The following EBF1 variants were observed in gnomAD, a reference collection of about 807,000 sequenced individuals.
The protein encoded by EBF1 is EBF transcription factor 1, also known as transcription factor COE1.
Under a neutral mutation model 68.4 loss-of-function variants are expected in EBF1, and 10 were observed. That is an observed-to-expected ratio of 0.15 (90% CI 0.09 to 0.25). EBF1 has a LOEUF of 0.25. EBF1 is among the 10% of genes least tolerant of loss of function. The pLI, the probability that EBF1 is intolerant of heterozygous loss-of-function variation, is 1.00. For missense variants in EBF1, 509 were observed against 794.4 expected (o/e 0.64, Z 4.32); for synonymous variants, 298 against 299.8 (o/e 0.99, Z 0.06).
At chr5:158,848,314 T>G (rs1055879287) in intron 6 of EBF1, among the ~76,000 whole-genome samples, 2 of 151,504 alleles carry the variant, frequency 1.3e-5, no homozygotes, top group Non-Finnish European at 2.9e-5. Context: ...TTGACCATTC[T>G]GGTTATATTC....
At chr5:159,003,680 C>T (rs1417611384) in intron 6 of EBF1, among the ~76,000 whole-genome samples, 1 of 152,224 alleles carries the variant, frequency 6.6e-6, no homozygotes, top group East Asian at 1.9e-4. Flanking sequence ...AGCGTGACAA[C>T]AGCTTACATT....
intron 6 of EBF1, among the ~76,000 whole-genome samples, chr5:158,891,112 C>A (rs542783180): frequency 6.6e-6 from 1 of 152,184 alleles, no homozygotes; most frequent in African/African-American, 2.4e-5. Context: ...CGATTTCCCA[C>A]GGTACATAAT....
At chr5:159,097,417 CA>C in intron 1 of EBF1, 1 of 458,172 alleles carries the variant, frequency 2.2e-6, no homozygotes, top group African/African-American at 2.0e-5. Flanking sequence ...ACTCTATAAG[CA>C]TTTACTCCTA....
chr5:158,838,445 C>CAAAA (rs11464337), intron 7 of EBF1, among the ~76,000 whole-genome samples: 1 of 110,520 alleles, frequency 9.0e-6, no homozygotes, highest in African/African-American at 3.7e-5. Context: ...GACTCCATCT[C>CAAAA]AAAAAAAAAA....
intron 7 of EBF1, among the ~76,000 whole-genome samples, chr5:158,828,946 T>C (rs571803490): frequency 1.0e-3 from 158 of 152,294 alleles, no homozygotes; most frequent in African/African-American, 3.7e-3. Context: ...AGAGTCTATA[T>C]ACTGTATGAT....
At chr5:158,868,828 A>T (rs1239213346) in intron 6 of EBF1, among the ~76,000 whole-genome samples, 2 of 152,234 alleles carry the variant, frequency 1.3e-5, no homozygotes, top group East Asian at 3.8e-4. Context: ...TGGGAATGTC[A>T]TAAGCAAAAC....
intron 6 of EBF1, among the ~76,000 whole-genome samples, chr5:159,042,874 TA>T (rs1407520310): frequency 7.0e-6 from 1 of 143,178 alleles, no homozygotes; most frequent in African/African-American, 2.6e-5. Context: ...AAAAAAAAAA[TA>T]AAAAAGTTAA....
intron 6 of EBF1, among the ~76,000 whole-genome samples, chr5:159,002,761 C>T (rs915002450): frequency 6.6e-6 from 1 of 152,118 alleles, no homozygotes; most frequent in African/African-American, 2.4e-5. Flanking sequence ...CTTTAGTATA[C>T]ATAGTCATGT....
intron 6 of EBF1, among the ~76,000 whole-genome samples, chr5:159,005,853 G>T (rs1046485606): frequency 7.9e-5 from 12 of 152,154 alleles, no homozygotes; most frequent in African/African-American, 2.9e-4. Flanking sequence ...CTGAAATCTA[G>T]TCTTAAATTG....
chr5:158,810,683 T>C (rs901207335), intron 8 of EBF1, among the ~76,000 whole-genome samples: 1 of 152,202 alleles, frequency 6.6e-6, no homozygotes, highest in Non-Finnish European at 1.5e-5. Flanking sequence ...TGTTCGCATA[T>C]AAAATATTGA....
At chr5:158,738,027 A>G (rs1765575518) in intron 10 of EBF1, among the ~76,000 whole-genome samples, 1 of 152,226 alleles carries the variant, frequency 6.6e-6, no homozygotes, top group African/African-American at 2.4e-5. Flanking sequence ...TAACATAATT[A>G]TTATATAAAA....
intron 5 of EBF1, among the ~76,000 whole-genome samples, chr5:159,083,130 CT>C (rs1780017540): frequency 6.6e-6 from 1 of 152,178 alleles, no homozygotes; most frequent in Non-Finnish European, 1.5e-5. Flanking sequence ...ATCTTCCTGT[CT>C]GTTTCCTATT....
At chr5:158,722,303 C>T (rs764856361) in intron 11 of EBF1, among the ~76,000 whole-genome samples, 2 of 152,186 alleles carry the variant, frequency 1.3e-5, no homozygotes, top group African/African-American at 2.4e-5. Context: ...ACCTTTAAGT[C>T]GCCAAGGCCT....
chr5:158,995,014 G>T (rs1039747925), intron 6 of EBF1, among the ~76,000 whole-genome samples: 2 of 152,194 alleles, frequency 1.3e-5, no homozygotes, highest in African/African-American at 4.8e-5. Context: ...TATCAATCAA[G>T]AGAAGCCAGG....
At chr5:158,928,413 C>T (rs907127615) in intron 6 of EBF1, among the ~76,000 whole-genome samples, 1 of 152,146 alleles carries the variant, frequency 6.6e-6, no homozygotes. Flanking sequence ...AAAAAGCACC[C>T]CTCTGCCCAC....
At chr5:158,802,108 T>C (rs1228530407) in intron 8 of EBF1, among the ~76,000 whole-genome samples, 1 of 152,114 alleles carries the variant, frequency 6.6e-6, no homozygotes, top group Admixed American at 6.6e-5. Flanking sequence ...ATTAGTGGTG[T>C]GTGCAGCTAT....
At chr5:158,757,915 G>T (rs760068292) in intron 10 of EBF1, among the ~76,000 whole-genome samples, 3 of 152,106 alleles carry the variant, frequency 2.0e-5, no homozygotes, top group Non-Finnish European at 4.4e-5. Flanking sequence ...GCATCTTCTA[G>T]ACAAGGCATA....
chr5:159,099,646 CA>C lies in EBF1; in HGVS notation c.-169del, dbSNP rs1262192880. 1.3e-5 allele frequency: 11 copies of C among 874,360 alleles called. No homozygotes were observed. Among genetic ancestry groups the C allele is most frequent in the Non-Finnish European group, 1.7e-5 (11 of 630,900 alleles). 54.2% of individuals were successfully genotyped at this position (874,360 alleles called of 1,614,324 possible). A position where few individuals can be genotyped will look rare whatever the true frequency, so the allele number is the denominator to read the frequency against. ...TAGAAGATCAAGGCGGGCTGGAAAG[CA>C]AATTTTTAAAAAATGTAAACCTCTG... On this transcript the variant is annotated 5_prime_UTR_variant, in exon 1 of 16. Coordinates refer to ENST00000313708, the MANE Select transcript of EBF1 (RefSeq NM_024007.5).
At chr5:158,863,342 A>C (rs1237745419) in intron 6 of EBF1, among the ~76,000 whole-genome samples, 2 of 152,136 alleles carry the variant, frequency 1.3e-5, no homozygotes, top group East Asian at 3.9e-4. Flanking sequence ...TCAGTTTTCC[A>C]ACGGCACACT....
Sources: gnomAD v4.1 joint callset for allele counts (sites outside exome capture counted in the v4.1 genomes callset) on GRCh38, gnomAD v4.1.1 for gene constraint, MANE v1.5 for transcripts, NCBI Gene and HGNC (gene_info 2026-07-23, HGNC 2026-07-21) for gene names.